The following DENND5A variants were observed in gnomAD, a reference collection of about 807,000 sequenced individuals.
DENND5A encodes DENN domain-containing protein 5A.
DENND5A carries 64 observed loss-of-function variants against 140.3 expected under a neutral mutation model. That is an observed-to-expected ratio of 0.46 (90% CI 0.37 to 0.56). The LOEUF (loss-of-function observed/expected upper bound fraction) is 0.56, where lower values mean the gene tolerates loss of function less well. Ranked by LOEUF, DENND5A falls within the 20% of genes least tolerant of loss-of-function variation. The pLI is 0.00. For missense variants in DENND5A, 1,292 were observed against 1,593.8 expected (o/e 0.81, Z 3.22); for synonymous variants, 605 against 607.7 (o/e 1.00, Z 0.07).
At chr11:9,236,545 A>G (rs1590318521) in intron 1 of DENND5A, among the ~76,000 whole-genome samples, 1 of 138,284 alleles carries the variant, frequency 7.2e-6, no homozygotes, top group East Asian at 1.9e-4. Context: ...AAAAAGAAAG[A>G]AAAAAAAAAG....
intron 1 of DENND5A, among the ~76,000 whole-genome samples, chr11:9,264,334 A>G (rs1852346020): frequency 6.6e-6 from 1 of 152,154 alleles, no homozygotes; most frequent in African/African-American, 2.4e-5. Flanking sequence ...CATAAAGGAC[A>G]TAAATTACTT....
intron 1 of DENND5A, among the ~76,000 whole-genome samples, chr11:9,243,017 G>A (rs781449105): frequency 6.9e-6 from 1 of 144,606 alleles, no homozygotes; most frequent in Non-Finnish European, 1.5e-5. Flanking sequence ...GAGCCCAGGA[G>A]GCAGAAGTTG....
At chr11:9,204,829 CCAGCCTGAGCGA>C in intron 3 of DENND5A, among the ~76,000 whole-genome samples, 1 of 152,148 alleles carries the variant, frequency 6.6e-6, no homozygotes, top group African/African-American at 2.4e-5. Context: ...GCACTGCACT[CCAGCCTGAGCGA>C]CAGAGCAAGA....
intron 1 of DENND5A, among the ~76,000 whole-genome samples, chr11:9,215,904 A>C (rs1431708254): frequency 3.9e-5 from 6 of 152,090 alleles, no homozygotes; most frequent in Non-Finnish European, 8.8e-5. Flanking sequence ...TCTTCCAAAT[A>C]TAGTGAGCTC....
intron 22 of DENND5A, chr11:9,140,208 GTGCTGGCAC>G (rs2136107441): frequency 7.5e-7 from 1 of 1,334,164 alleles, no homozygotes; most frequent in Admixed American, 2.2e-5. Flanking sequence ...CACTCAGCAT[GTGCTGGCAC>G]TGACATAAGA....
chr11:9,263,059 A>T (rs1852278297), intron 1 of DENND5A, among the ~76,000 whole-genome samples: 1 of 151,954 alleles, frequency 6.6e-6, no homozygotes. Context: ...AAATTTTTTT[A>T]AAGTAAATTA....
intron 5 of DENND5A, among the ~76,000 whole-genome samples, chr11:9,184,954 G>A (rs998226534): frequency 6.6e-6 from 1 of 152,220 alleles, no homozygotes; most frequent in African/African-American, 2.4e-5. Context: ...CACTTTGGGA[G>A]GCCAGGTGGG....
At chr11:9,249,045 G>A (rs1260495998) in intron 1 of DENND5A, among the ~76,000 whole-genome samples, 2 of 152,044 alleles carry the variant, frequency 1.3e-5, no homozygotes, top group East Asian at 1.9e-4. Flanking sequence ...GGCTAACGTG[G>A]TGAAACCCTG....
intron 1 of DENND5A, among the ~76,000 whole-genome samples, chr11:9,260,315 G>C (rs1852141525): frequency 6.6e-6 from 1 of 151,970 alleles, no homozygotes; most frequent in African/African-American, 2.4e-5. Flanking sequence ...TTCTCAAGCA[G>C]AGACAAGGAA....
Position 9,173,827 on chromosome 11 carries a change from G to A in DENND5A, c.1907-3050C>T, listed in dbSNP as rs185229773. Among the ~76,000 whole-genome samples the A allele has an allele frequency of 7.4e-4, 112 of 152,188 alleles. No individual in the cohort carries two copies. The East Asian group carries it at 0.011, about 15-fold the overall frequency. ...AAATCATAAAAAAAATTGAAAGGCC[G>A]GGTGCAGTGGCTCACGCCTGTAATC... is the stretch of plus-strand genomic sequence containing the variant. On this transcript the variant is annotated intron_variant, in intron 8 of 22. Transcript: ENST00000328194.
intron 1 of DENND5A, among the ~76,000 whole-genome samples, chr11:9,227,759 A>G (rs937169608): frequency 6.6e-6 from 1 of 152,136 alleles, no homozygotes; most frequent in South Asian, 2.1e-4. Context: ...GTTCAAGACC[A>G]GCCTGGGCAA....
intron 13 of DENND5A, 118 bp from the exon 14 acceptor site, chr11:9,150,882 T>C: frequency 1.9e-6 from 1 of 533,118 alleles, no homozygotes; most frequent in Non-Finnish European, 3.3e-6. Flanking sequence ...CTGGTAACAC[T>C]TTAATTGATT....
At chr11:9,155,092 T>C (rs1249250117) in intron 12 of DENND5A, among the ~76,000 whole-genome samples, 1 of 150,968 alleles carries the variant, frequency 6.6e-6, no homozygotes, top group Non-Finnish European at 1.5e-5. Context: ...GAGATTGCAG[T>C]GAGTCAAGAT....
intron 12 of DENND5A, among the ~76,000 whole-genome samples, chr11:9,159,080 T>C (rs1431757921): frequency 6.6e-6 from 1 of 152,218 alleles, no homozygotes; most frequent in African/African-American, 2.4e-5. Context: ...TTTTAGACAT[T>C]TTGTATAAAT....
chr11:9,228,936 T>G (rs1850647251), intron 1 of DENND5A, among the ~76,000 whole-genome samples: 1 of 152,200 alleles, frequency 6.6e-6, no homozygotes, highest in Non-Finnish European at 1.5e-5. Context: ...CAGAGTTCTA[T>G]GAGCCATTCT....
chr11:9,164,056 G>GTTTTTTTTTTTTTTTTTTTTTTTTTTTT (rs768604681), intron 11 of DENND5A, among the ~76,000 whole-genome samples: 3 of 57,958 alleles, frequency 5.2e-5, no homozygotes, highest in African/African-American at 1.9e-4. Context: ...TATTAATCAG[G>GTTTTTTTTTTTTTTTTTTTTTTTTTTTT]TTTTTTTTTT....
intron 1 of DENND5A, among the ~76,000 whole-genome samples, chr11:9,258,987 G>T (rs532478841): frequency 6.6e-6 from 1 of 151,968 alleles, no homozygotes; most frequent in African/African-American, 2.4e-5. Context: ...TAGGCTGGGC[G>T]CAGTGGCTCA....
At chr11:9,254,790 C>T (rs914001339) in intron 1 of DENND5A, among the ~76,000 whole-genome samples, 2 of 151,996 alleles carry the variant, frequency 1.3e-5, no homozygotes, top group Non-Finnish European at 2.9e-5. Context: ...AAGTCTCAGT[C>T]GGCAAGGTGT....
At chr11:9,164,606 A>C (rs946751247) in intron 11 of DENND5A, among the ~76,000 whole-genome samples, 1 of 152,170 alleles carries the variant, frequency 6.6e-6, no homozygotes, top group Admixed American at 6.5e-5. Flanking sequence ...AAAACATTAA[A>C]AATTAAGAAT....
Sources: gnomAD v4.1 joint callset for allele counts (sites outside exome capture counted in the v4.1 genomes callset) on GRCh38, gnomAD v4.1.1 for gene constraint, MANE v1.5 for transcripts, NCBI Gene and HGNC (gene_info 2026-07-23, HGNC 2026-07-21) for gene names.